GNG4: variants seen among roughly 807,000 people sequenced by gnomAD.
The protein encoded by GNG4 is G protein subunit gamma 4, also known as guanine nucleotide-binding protein G(I)/G(S)/G(O) subunit gamma-4.
In GNG4, 4 loss-of-function variants were observed where a neutral mutation model predicts 5.8. That is an observed-to-expected ratio of 0.69 (90% CI 0.34 to 1.57). The LOEUF (loss-of-function observed/expected upper bound fraction) is 1.57, where lower values mean the gene tolerates loss of function less well. GNG4 is among the 40% of genes most tolerant of loss of function. The pLI is 0.06. For synonymous variants in GNG4, 29 were observed against 32.9 expected (o/e 0.88, Z 0.41); for missense variants, 96 against 95.1 (o/e 1.01, Z -0.04).
chr1:235,554,820 G>T (rs569827241), intron 3 of GNG4, among the ~76,000 whole-genome samples: 130 of 143,414 alleles, frequency 9.1e-4, no homozygotes, highest in African/African-American at 3.3e-3. Flanking sequence ...ACTCCAGTCT[G>T]GGCAACAAGA....
chr1:235,622,954 C>T (rs964851443), intron 1 of GNG4, among the ~76,000 whole-genome samples: 1 of 151,236 alleles, frequency 6.6e-6, no homozygotes, highest in East Asian at 1.9e-4. Context: ...GCAGGAGAAT[C>T]GCTTGAACCC....
At chr1:235,645,797 C>CAAAAAAAAAAAAAAAAAAAAAA (rs6143682) in intron 1 of GNG4, among the ~76,000 whole-genome samples, 1 of 90,384 alleles carries the variant, frequency 1.1e-5, no homozygotes, top group African/African-American at 4.1e-5. Flanking sequence ...AACTCAGTCT[C>CAAAAAAAAAAAAAAAAAAAAAA]AAAAAAAAAA....
At chr1:235,607,597 GA>G (rs2102966491) in intron 1 of GNG4, among the ~76,000 whole-genome samples, 1 of 152,384 alleles carries the variant, frequency 6.6e-6, no homozygotes, top group Non-Finnish European at 1.5e-5. Context: ...CCACCAGTGT[GA>G]ATTTAGTGGG....
At chr1:235,601,748 G>A (rs1361159098) in intron 1 of GNG4, among the ~76,000 whole-genome samples, 1 of 152,190 alleles carries the variant, frequency 6.6e-6, no homozygotes, top group Non-Finnish European at 1.5e-5. Context: ...CGATGAATGA[G>A]TGGAAATGAT....
intron 1 of GNG4, chr1:235,616,319 A>G (rs1688588038): frequency 2.3e-6 from 1 of 440,122 alleles, no homozygotes; most frequent in South Asian, 1.8e-5. Context: ...CCCCTTTGTC[A>G]TTCAGAACCT....
intron 3 of GNG4, among the ~76,000 whole-genome samples, chr1:235,578,677 G>C (rs1324332651): frequency 6.6e-6 from 1 of 152,188 alleles, no homozygotes; most frequent in Non-Finnish European, 1.5e-5. Flanking sequence ...CCATGCACTG[G>C]ACAAATACTG....
chr1:235,594,162 C>G (rs1317190769), intron 2 of GNG4, among the ~76,000 whole-genome samples: 3 of 152,170 alleles, frequency 2.0e-5, no homozygotes, highest in African/African-American at 7.2e-5. Context: ...CACAAAGGTT[C>G]TCCAAGTCCC....
intron 2 of GNG4, among the ~76,000 whole-genome samples, chr1:235,593,480 TAC>T (rs1688034831): frequency 1.3e-5 from 2 of 152,146 alleles, no homozygotes; most frequent in African/African-American, 2.4e-5. Context: ...GTAGGCAGAA[TAC>T]TACAGCCGGC....
intron 2 of GNG4, among the ~76,000 whole-genome samples, chr1:235,588,427 C>T (rs1373324013): frequency 6.6e-6 from 1 of 152,134 alleles, no homozygotes; most frequent in African/African-American, 2.4e-5. Context: ...GCTTCCTCCT[C>T]CCCTGGCTCC....
intron 2 of GNG4, among the ~76,000 whole-genome samples, chr1:235,591,670 A>G (rs763889877): frequency 6.6e-6 from 1 of 152,190 alleles, no homozygotes; most frequent in Non-Finnish European, 1.5e-5. Context: ...AACAGAGAGG[A>G]GCTGCAACAA....
intron 1 of GNG4, among the ~76,000 whole-genome samples, chr1:235,641,207 G>C (rs1418848751): frequency 1.3e-5 from 2 of 151,932 alleles, no homozygotes; most frequent in African/African-American, 4.8e-5. Context: ...GCAACATAGT[G>C]AGAACCCATC....
rs1344219374 is a variant in GNG4 at position 235,644,511 on chromosome 1, A to G, written c.-123+5151T>C. Among the ~76,000 whole-genome samples, 1 of 152,232 alleles carries G rather than the reference A, an allele frequency of 6.6e-6. No individual in the cohort carries two copies. Among genetic ancestry groups the G allele is most frequent in the African/African-American group, 2.4e-5 (1 of 41,454 alleles). On this transcript the variant is annotated intron_variant, in intron 1 of 3. Coordinates refer to ENST00000391854, the MANE Select transcript of GNG4 (RefSeq NM_001098722.2). This position sits in a 1 kb window ranked among gnomAD's most constrained non-coding sequence, Gnocchi z 5.9. The stretch of plus-strand genomic sequence containing the variant: ...ACACCGTCAAACACATGCACGGTGT[A>G]GACTGAAGTCATCAGGTCTCCTTAA...
At chr1:235,573,474 T>TAA (rs36030081) in intron 3 of GNG4, among the ~76,000 whole-genome samples, 154 of 141,522 alleles carry the variant, frequency 1.1e-3, no homozygotes, top group African/African-American at 4.0e-3. Context: ...TAAAGTATGA[T>TAA]AAAAAAAAAA....
At chr1:235,621,941 T>C (rs1008434283) in intron 1 of GNG4, among the ~76,000 whole-genome samples, 4 of 152,090 alleles carry the variant, frequency 2.6e-5, no homozygotes, top group Non-Finnish European at 4.4e-5. Context: ...CCTCCCAGAG[T>C]GCTGGGATTA....
At position 235,612,587 on chromosome 1, in the gene GNG4, A is replaced by G. The variant is rs542265851; in HGVS notation, c.-122-17076T>C. Among the ~76,000 whole-genome samples the G allele has an allele frequency of 2.4e-4, 37 of 152,196 alleles. 2 individuals are homozygous for G. The South Asian group carries it at 7.7e-3, about 32-fold the overall frequency. Reference sequence around the variant, plus strand: ...ACCCAGGCTGGAGTGCAGTGGTACGATCATGACTCATTGCAGCCTTGACAT... The same window carrying G: ...ACCCAGGCTGGAGTGCAGTGGTACGGTCATGACTCATTGCAGCCTTGACAT... On this transcript the variant is annotated intron_variant, in intron 1 of 3. Transcript: ENST00000391854.
At chr1:235,578,137 T>C (rs1687531751) in intron 3 of GNG4, among the ~76,000 whole-genome samples, 1 of 151,914 alleles carries the variant, frequency 6.6e-6, no homozygotes, top group Non-Finnish European at 1.5e-5. Context: ...CTGAAAACCA[T>C]GTGTGAGCTT....
At chr1:235,585,527 T>C (rs567487700) in intron 2 of GNG4, among the ~76,000 whole-genome samples, 25 of 152,262 alleles carry the variant, frequency 1.6e-4, no homozygotes, top group African/African-American at 4.8e-4. Context: ...AGATAACGTG[T>C]GTGTGCTTTT....
chr1:235,628,993 A>ATTTTTTTTTTTTT (rs1054950474), intron 1 of GNG4, among the ~76,000 whole-genome samples: 1 of 118,364 alleles, frequency 8.4e-6, no homozygotes, highest in African/African-American at 3.0e-5. Flanking sequence ...ATTTGCTTGA[A>ATTTTTTTTTTTTT]TTTTTTTTTT....
intron 1 of GNG4, among the ~76,000 whole-genome samples, chr1:235,605,294 G>C (rs113296375): frequency 2.0e-5 from 3 of 151,668 alleles, no homozygotes; most frequent in African/African-American, 7.3e-5. Flanking sequence ...AGGTTCAAGC[G>C]ATTCTCTTGC....
Sources: gnomAD v4.1 joint callset for allele counts (sites outside exome capture counted in the v4.1 genomes callset) on GRCh38, gnomAD v4.1.1 for gene constraint, Gnocchi (gnomAD v3.1) non-coding constraint, MANE v1.5 for transcripts, NCBI Gene and HGNC (gene_info 2026-07-23, HGNC 2026-07-21) for gene names.